OPN3: variants seen among roughly 807,000 people sequenced by gnomAD.
The protein encoded by OPN3 is opsin-3.
A neutral mutation model predicts 33.8 loss-of-function variants in OPN3; 29 were observed. The observed-to-expected ratio is 0.86, with a 90% CI of 0.64 to 1.17. OPN3 has a LOEUF of 1.17. Ranked by LOEUF, OPN3 falls within the 50% of genes most tolerant of loss-of-function variation. The pLI is 0.00. For synonymous variants in OPN3, 216 were observed against 216.1 expected (o/e 1.00, Z 0.00); for missense variants, 437 against 514.1 (o/e 0.85, Z 1.45).
At chr1:241,610,124 G>C (rs150532156) in intron 1 of OPN3, among the ~76,000 whole-genome samples, 2 of 152,300 alleles carry the variant, frequency 1.3e-5, no homozygotes, top group South Asian at 4.1e-4. Context: ...ATCAAATCTC[G>C]TTGGCATATC....
chr1:241,635,253 C>T lies in OPN3; in HGVS notation c.373+4629G>A, dbSNP rs144595616. 1,734 of 1,613,940 alleles carry T rather than the reference C, an allele frequency of 1.1e-3. No individual in the cohort carries two copies. The highest frequency in any genetic ancestry group is 1.3e-3 in the Non-Finnish European group (1,582 of 1,179,948). The stretch of plus-strand genomic sequence containing the variant: ...TTTTCCTTCTCCACTGATTCCTCTA[C>T]ATCAGTTACTTCTAGTGAAATCTCT... On this transcript the variant is annotated intron_variant, in intron 1 of 3. Coordinates refer to ENST00000366554, the MANE Select transcript of OPN3 (RefSeq NM_014322.3).
chr1:241,623,695 C>T (rs1009077914), intron 1 of OPN3, among the ~76,000 whole-genome samples: 4 of 152,246 alleles, frequency 2.6e-5, no homozygotes, highest in Non-Finnish European at 5.9e-5. Context: ...CTCTACCTAA[C>T]TTGTAATGTA....
At chr1:241,628,566 T>C (rs891914905) in intron 1 of OPN3, among the ~76,000 whole-genome samples, 13 of 152,196 alleles carry the variant, frequency 8.5e-5, no homozygotes, top group Admixed American at 7.2e-4. Flanking sequence ...CCAAGTGACA[T>C]GTTTGCATTT....
intron 2 of OPN3, among the ~76,000 whole-genome samples, chr1:241,601,490 G>A (rs1384510691): frequency 6.6e-6 from 1 of 152,070 alleles, no homozygotes; most frequent in Non-Finnish European, 1.5e-5. Context: ...AGATCATGAG[G>A]TCAGGAGTTC....
chr1:241,640,080 T>G lies in OPN3; in HGVS notation c.175A>C (p.Asn59His). ...GSIGLLGVGN[N>H]LLVLVLYYKF... ...TAGTAGAGGACGAGCACCAGCAGGT[T>G]GTTGCCGACGCCCAGCAGCCCAATG... The change falls in exon 1 of 4, where the codon AAC (asparagine) becomes CAC (histidine). Residue 59 changes from asparagine (N) to histidine (H), a missense_variant. Asn to His is a moderately conservative substitution (Grantham distance 68, BLOSUM62 1). Transcript: ENST00000366554. The G allele has an allele frequency of 6.2e-7, 1 of 1,610,546 alleles. No individual in the cohort carries two copies. Among genetic ancestry groups the G allele is most frequent in the Non-Finnish European group, 8.5e-7 (1 of 1,178,760 alleles).
chr1:241,634,964 A>G, intron 1 of OPN3: 1 of 1,613,594 alleles, frequency 6.2e-7, no homozygotes, highest in Non-Finnish European at 8.5e-7. Flanking sequence ...TCCTTCCCGA[A>G]ATGCAAGAAT....
chr1:241,635,559 C>G, intron 1 of OPN3: 1 of 1,614,096 alleles, frequency 6.2e-7, no homozygotes, highest in Non-Finnish European at 8.5e-7. Flanking sequence ...GTACTTTCTT[C>G]CCCAATGTCA....
intron 1 of OPN3, chr1:241,616,033 G>C: frequency 2.2e-6 from 1 of 451,018 alleles, no homozygotes; most frequent in South Asian, 1.6e-5. Context: ...GCACTCTCCT[G>C]TCATGCCATG....
chr1:241,610,491 G>A (rs1284812750), intron 1 of OPN3, among the ~76,000 whole-genome samples: 1 of 152,172 alleles, frequency 6.6e-6, no homozygotes, highest in East Asian at 1.9e-4. Flanking sequence ...GATACAGTAT[G>A]TATAAAAGCA....
intron 3 of OPN3, chr1:241,595,401 A>T (rs570940911): frequency 6.6e-6 from 1 of 152,372 alleles, no homozygotes; most frequent in African/African-American, 2.4e-5. Flanking sequence ...CATAGGACAG[A>T]TCCCATCTCC....
rs754659272 is a variant in OPN3, at chr1:241,635,564, A to G, written c.373+4318T>C. ...CCATACAACAGTACTTTCTTCCCCAATGTCATTGTTTTGCTGATACTCCTT... is the reference window on the plus strand; with the variant it reads ...CCATACAACAGTACTTTCTTCCCCAGTGTCATTGTTTTGCTGATACTCCTT... On this transcript the variant is annotated intron_variant, in intron 1 of 3. Coordinates refer to ENST00000366554, the MANE Select transcript of OPN3 (RefSeq NM_014322.3). The G allele has an allele frequency of 1.2e-5, 20 of 1,614,010 alleles. No homozygotes were observed. The highest frequency in any genetic ancestry group is 1.6e-4 in the Middle Eastern group (1 of 6,062).
intron 1 of OPN3, among the ~76,000 whole-genome samples, chr1:241,618,367 T>G (rs1664191659): frequency 6.6e-6 from 1 of 152,208 alleles, no homozygotes; most frequent in African/African-American, 2.4e-5. Context: ...TCCAGTAGGC[T>G]TAGGACAGAA....
chr1:241,604,495 C>A lies in OPN3; in HGVS notation c.458G>T (p.Trp153Leu), dbSNP rs1418375671. The A allele has an allele frequency of 1.2e-6, 2 of 1,613,986 alleles. No individual in the cohort carries two copies. Among genetic ancestry groups the A allele is most frequent in the African/African-American group, 1.3e-5 (1 of 74,892 alleles). The change falls in exon 2 of 4, where the codon TGG becomes TTG. Residue 153 changes from tryptophan (W) to leucine (L), a missense_variant. By Grantham distance (61) the Trp-to-Leu change is moderately conservative. Transcript: ENST00000366554. ...GATGTAGGTAATGGCCCTCCAGGCC[C>A]AGGAAAAATTGATCACTCTGGCATG... ...VVHARVINFSWAWRAITYIWL... is the reference protein window; with the variant it reads ...VVHARVINFSLAWRAITYIWL...
chr1:241,631,550 G>A (rs1381792271), intron 1 of OPN3: 4 of 148,874 alleles, frequency 2.7e-5, no homozygotes, highest in Non-Finnish European at 5.9e-5. Context: ...GCTACTTTAA[G>A]TAAGTTGTCA....
Position 241,640,102 on chromosome 1 carries a change from A to G in OPN3, c.153T>C (p.Ile51=). 1 of 1,606,488 alleles carries G rather than the reference A, an allele frequency of 6.2e-7. No individual in the cohort carries two copies. The highest frequency in any genetic ancestry group is 8.5e-7 in the Non-Finnish European group (1 of 1,177,158). The stretch of plus-strand genomic sequence containing the variant: ...GGTTGTTGCCGACGCCCAGCAGCCC[A>G]ATGGAGCCCAGCAGCAGCGCCAGGC... ...YERLALLLGS[I]GLLGVGNNLL... The change falls in exon 1 of 4, where the codon ATT becomes ATC. Residue 51 remains isoleucine (I), a synonymous_variant. Coordinates refer to ENST00000366554, the MANE Select transcript of OPN3 (RefSeq NM_014322.3).
intron 1 of OPN3, among the ~76,000 whole-genome samples, chr1:241,618,012 T>A (rs200259496): frequency 1.3e-4 from 12 of 95,118 alleles, no homozygotes; most frequent in Admixed American, 3.0e-4. Flanking sequence ...CTAAAAAAAA[T>A]AAATAAATAA....
At chr1:241,634,703 T>C in intron 1 of OPN3, 1 of 1,613,994 alleles carries the variant, frequency 6.2e-7, no homozygotes, top group South Asian at 1.1e-5. Flanking sequence ...GTTAAGACCA[T>C]CTATTGTAGT....
At chr1:241,635,838 C>A (rs1664877075) in intron 1 of OPN3, 1 of 1,440,070 alleles carries the variant, frequency 6.9e-7, no homozygotes, top group African/African-American at 1.4e-5. Flanking sequence ...GTAATAAAAT[C>A]TGTCCTTCTG....
chr1:241,596,679 C>T (rs541294370), intron 3 of OPN3, among the ~76,000 whole-genome samples: 3 of 152,278 alleles, frequency 2.0e-5, no homozygotes, highest in African/African-American at 7.2e-5. Context: ...TTTAAAATTC[C>T]AATGGAGTAA....
Sources: allele counts gnomAD v4.1 joint callset (sites outside exome capture counted in the v4.1 genomes callset), GRCh38; gene constraint gnomAD v4.1.1; transcripts MANE v1.5; gene names NCBI Gene and HGNC (gene_info 2026-07-23, HGNC 2026-07-21).